GRIN2A: variants seen among roughly 807,000 people sequenced by gnomAD.
The protein encoded by GRIN2A is glutamate ionotropic receptor NMDA type subunit 2A.
Under a neutral mutation model 113.4 loss-of-function variants are expected in GRIN2A, and 22 were observed. The ratio of observed to expected loss-of-function variants is 0.19; its 90% CI spans 0.14 to 0.28. The LOEUF is 0.28. Among genes scored for constraint, GRIN2A ranks in the 10% least tolerant of loss-of-function variants. GRIN2A has a pLI of 1.00. For missense variants in GRIN2A, 1,502 were observed against 1,887.0 expected (o/e 0.80, Z 3.78); for synonymous variants, 827 against 738.4 (o/e 1.12, Z -1.94).
intron 2 of GRIN2A, among the ~76,000 whole-genome samples, chr16:10,103,445 A>G (rs1259892001): frequency 6.6e-6 from 1 of 152,206 alleles, no homozygotes; most frequent in Non-Finnish European, 1.5e-5. Flanking sequence ...TAGATACAAG[A>G]AGAATCTCAG....
intron 2 of GRIN2A, among the ~76,000 whole-genome samples, chr16:9,988,105 C>G (rs1345814518): frequency 6.6e-6 from 1 of 152,110 alleles, no homozygotes; most frequent in African/African-American, 2.4e-5. Flanking sequence ...CAACACCAAC[C>G]TACCACTTAG....
chr16:10,070,407 C>A (rs1371440969), intron 2 of GRIN2A, among the ~76,000 whole-genome samples: 1 of 152,182 alleles, frequency 6.6e-6, no homozygotes. Context: ...GCATTTTAAC[C>A]AAATCCCAGG....
At chr16:10,072,040 T>A (rs561536687) in intron 2 of GRIN2A, among the ~76,000 whole-genome samples, 27 of 152,354 alleles carry the variant, frequency 1.8e-4, no homozygotes, top group Non-Finnish European at 3.5e-4. Flanking sequence ...TTCACCAGAA[T>A]GACCTTGGTA....
chr16:10,017,732 G>A (rs939886455), intron 2 of GRIN2A, among the ~76,000 whole-genome samples: 7 of 152,086 alleles, frequency 4.6e-5, no homozygotes, highest in Non-Finnish European at 8.8e-5. Context: ...TCCTTTGGGT[G>A]CAACATTTAA....
chr16:9,864,919 T>C (rs2043136729), intron 4 of GRIN2A, among the ~76,000 whole-genome samples: 1 of 152,212 alleles, frequency 6.6e-6, no homozygotes, highest in Admixed American at 6.5e-5. Context: ...GAGGCCCTGC[T>C]AGTTATTATG....
chr16:10,135,993 T>C (rs2049183536), intron 2 of GRIN2A, among the ~76,000 whole-genome samples: 1 of 152,182 alleles, frequency 6.6e-6, no homozygotes, highest in Non-Finnish European at 1.5e-5. Context: ...TCAAGACAGC[T>C]TCTCACGCAT....
At chr16:10,014,230 A>G (rs1278273501) in intron 2 of GRIN2A, among the ~76,000 whole-genome samples, 3 of 152,218 alleles carry the variant, frequency 2.0e-5, no homozygotes, top group Non-Finnish European at 4.4e-5. Context: ...TCATTTTCAT[A>G]TGGCTGGATA....
intron 2 of GRIN2A, among the ~76,000 whole-genome samples, chr16:10,076,717 G>A (rs1567281418): frequency 1.3e-5 from 2 of 152,188 alleles, no homozygotes; most frequent in South Asian, 4.1e-4. Context: ...AATGCAGAAA[G>A]TAAATATGGA....
intron 7 of GRIN2A, among the ~76,000 whole-genome samples, chr16:9,837,547 T>C (rs955739869): frequency 2.6e-5 from 4 of 152,190 alleles, no homozygotes; most frequent in African/African-American, 9.6e-5. Context: ...ACTAAAGAGA[T>C]ACAAGACTTT....
intron 2 of GRIN2A, among the ~76,000 whole-genome samples, chr16:9,986,431 T>C (rs2045980192): frequency 6.6e-6 from 1 of 152,166 alleles, no homozygotes; most frequent in African/African-American, 2.4e-5. Flanking sequence ...ATAGTGTATT[T>C]CTGTTTTAAC....
At chr16:9,860,586 A>T (rs1361186154) in intron 4 of GRIN2A, among the ~76,000 whole-genome samples, 1 of 152,144 alleles carries the variant, frequency 6.6e-6, no homozygotes, top group Non-Finnish European at 1.5e-5. Flanking sequence ...ACTGAAATCA[A>T]TCCCCCAATT....
intron 11 of GRIN2A, among the ~76,000 whole-genome samples, chr16:9,796,941 A>G (rs1482352717): frequency 6.6e-6 from 1 of 152,252 alleles, no homozygotes; most frequent in Non-Finnish European, 1.5e-5. Context: ...CCCTATGGAG[A>G]ATTCAAAGAC....
chr16:10,050,702 A>C (rs568070147), intron 2 of GRIN2A, among the ~76,000 whole-genome samples: 33 of 152,278 alleles, frequency 2.2e-4, no homozygotes, highest in African/African-American at 7.2e-4. Context: ...AATGGAATGC[A>C]CTTGAATCAT....
intron 2 of GRIN2A, among the ~76,000 whole-genome samples, chr16:10,054,615 C>T (rs562303467): frequency 1.1e-4 from 17 of 152,028 alleles, no homozygotes; most frequent in Non-Finnish European, 2.1e-4. Flanking sequence ...TGACAAAGTG[C>T]CCATCATTCA....
intron 2 of GRIN2A, among the ~76,000 whole-genome samples, chr16:9,972,182 C>T (rs1310882201): frequency 1.3e-5 from 2 of 152,134 alleles, no homozygotes; most frequent in East Asian, 3.9e-4. Flanking sequence ...TGCATTTAAA[C>T]CCAACAGGAC....
At chr16:9,765,005 C>G in intron 12 of GRIN2A, 57 bp from the exon 13 acceptor site, 2 of 1,609,974 alleles carry the variant, frequency 1.2e-6, no homozygotes, top group Non-Finnish European at 1.7e-6. Flanking sequence ...CATGAAACCA[C>G]TTTGCACTTG....
chr16:9,908,748 G>A (rs1016876386), intron 3 of GRIN2A, among the ~76,000 whole-genome samples: 1 of 152,222 alleles, frequency 6.6e-6, no homozygotes, highest in Admixed American at 6.5e-5. Context: ...AGATCCTCAC[G>A]TCAGTACGAT....
chr16:9,941,563 C>T (rs1226764912), intron 2 of GRIN2A, among the ~76,000 whole-genome samples: 1 of 152,174 alleles, frequency 6.6e-6, no homozygotes, highest in African/African-American at 2.4e-5. Context: ...TCTCCCATTA[C>T]CCACTATGCT....
chr16:9,760,130 C>T lies in GRIN2A; in HGVS notation c.*3019G>A, dbSNP rs949858213. 1 of 225,176 alleles carries T rather than the reference C, an allele frequency of 4.4e-6. No individual in the cohort carries two copies. The allele number at this position is 225,176 out of a possible 1,614,324, so 13.9% of individuals were successfully genotyped here. On this transcript the variant is annotated 3_prime_UTR_variant, in exon 13 of 13. Coordinates refer to ENST00000330684, the MANE Select transcript of GRIN2A (RefSeq NM_001134407.3). ...GCATTTGTGTTCAGAAATTTGGGCT[C>T]CTTGACATCAACAAATCTAAGAACT... is the stretch of plus-strand genomic sequence containing the variant.
Sources: gnomAD v4.1 joint callset for allele counts (sites outside exome capture counted in the v4.1 genomes callset) on GRCh38, gnomAD v4.1.1 for gene constraint, MANE v1.5 for transcripts, NCBI Gene and HGNC (gene_info 2026-07-23, HGNC 2026-07-21) for gene names.